CFAP58: variants seen among roughly 807,000 people sequenced by gnomAD.
The protein encoded by CFAP58 is cilia and flagella associated protein 58.
A neutral mutation model predicts 119.5 loss-of-function variants in CFAP58; 88 were observed. The observed-to-expected ratio is 0.74, with a 90% CI of 0.62 to 0.88. CFAP58 has a LOEUF of 0.88. Ranked by LOEUF, CFAP58 falls within the 40% of genes least tolerant of loss-of-function variation. The pLI is 0.00. For synonymous variants in CFAP58, 365 were observed against 366.3 expected, an observed-to-expected ratio of 1.00 and a Z score of 0.04; for missense variants, 990 against 1,021.2, an observed-to-expected ratio of 0.97 and a Z score of 0.42.
At chr10:104,387,355 A>G (rs1242166727) in intron 9 of CFAP58, among the ~76,000 whole-genome samples, 1 of 152,090 alleles carries the variant, frequency 6.6e-6, no homozygotes, top group Non-Finnish European at 1.5e-5. Context: ...TGTTCTTCTC[A>G]TGGGGGAAGG....
chr10:104,361,797 T>A (rs1385633577), intron 2 of CFAP58, among the ~76,000 whole-genome samples: 5 of 152,232 alleles, frequency 3.3e-5, no homozygotes, highest in African/African-American at 1.2e-4. Flanking sequence ...GAGGTCTTCT[T>A]GCCTCGGCCT....
At chr10:104,360,463 G>C (rs954030360) in intron 2 of CFAP58, among the ~76,000 whole-genome samples, 1 of 151,674 alleles carries the variant, frequency 6.6e-6, no homozygotes, top group South Asian at 2.1e-4. Context: ...AGAGGGGCGG[G>C]GGGGAGGTGT....
chr10:104,454,713 T>C lies in CFAP58; in HGVS notation c.*183T>C. 1.7e-6 allele frequency: 1 copy of C among 574,498 alleles called. No homozygotes were observed. The highest frequency in any genetic ancestry group is 2.9e-5 in the East Asian group (1 of 34,764). The allele number at this position is 574,498 out of a possible 1,614,324, so 35.6% of individuals were successfully genotyped here. A position where few individuals can be genotyped will look rare whatever the true frequency, so the allele number is the denominator to read the frequency against. On this transcript the variant is annotated 3_prime_UTR_variant, in exon 18 of 18. Coordinates refer to ENST00000369704, the MANE Select transcript of CFAP58 (RefSeq NM_001008723.2). ...TGGTGTTTTGTCTGGTTCACGTTGA[T>C]ATTAACAGATCATAATTCTCTCTGT... is the stretch of plus-strand genomic sequence containing the variant.
chr10:104,403,314 G>A (rs192461261), intron 13 of CFAP58, among the ~76,000 whole-genome samples: 16 of 152,254 alleles, frequency 1.1e-4, no homozygotes, highest in Admixed American at 1.0e-3. Flanking sequence ...CTTCCTCCAT[G>A]ATTGTGAGGC....
At chr10:104,363,174 G>A (rs1478563314) in intron 3 of CFAP58, among the ~76,000 whole-genome samples, 1 of 152,114 alleles carries the variant, frequency 6.6e-6, no homozygotes, top group Non-Finnish European at 1.5e-5. Context: ...CTCCAGTATG[G>A]CACTGATCAG....
At chr10:104,339,801 G>A in the CFAP58 span, among the ~76,000 whole-genome samples, 4 of 152,172 alleles carry the variant, frequency 2.6e-5, no homozygotes, top group Non-Finnish European at 5.9e-5. Context: ...TGTGTTGGAG[G>A]TGGTGGGGGC....
At position 104,357,976 on chromosome 10, in the gene CFAP58, TAC is replaced by T. The variant is rs199694394; in HGVS notation, c.10-363_10-362del. On this transcript the variant is annotated intron_variant, in intron 1 of 17. Transcript: ENST00000369704. ...ATATACACATATATGTACACATATG[TAC>T]ATATGTACACATATATGTACACATA... 3.7e-5 allele frequency among the ~76,000 whole-genome samples: 5 copies of T among 135,346 alleles called. No homozygotes were observed. The East Asian group carries it at 6.1e-4, about 16-fold the overall frequency. 88.8% of individuals were successfully genotyped at this position (135,346 alleles called of 152,430 possible).
At chr10:104,346,973 C>T in the CFAP58 span, among the ~76,000 whole-genome samples, 1 of 151,982 alleles carries the variant, frequency 6.6e-6, no homozygotes, top group Non-Finnish European at 1.5e-5. Flanking sequence ...CACCGATTGA[C>T]TTGTGCACGT....
intron 15 of CFAP58, among the ~76,000 whole-genome samples, chr10:104,434,399 C>A (rs2012897449): frequency 6.6e-6 from 1 of 152,146 alleles, no homozygotes; most frequent in South Asian, 2.1e-4. Context: ...GACTCTTGAT[C>A]CCAGGCTTCA....
intron 1 of CFAP58, among the ~76,000 whole-genome samples, chr10:104,357,221 GA>G (rs2014554927): frequency 6.6e-6 from 1 of 152,156 alleles, no homozygotes; most frequent in South Asian, 2.1e-4. Flanking sequence ...AGACTTGCTT[GA>G]ATTATATCTA....
At chr10:104,351,070 C>A (rs1564872817), upstream of CFAP58, among the ~76,000 whole-genome samples, 3 of 152,140 alleles carry the variant, frequency 2.0e-5, no homozygotes, top group Non-Finnish European at 4.4e-5. Flanking sequence ...ACCGATGGTC[C>A]CAATGTGTAA....
chr10:104,368,621 G>A (rs1023183057), intron 6 of CFAP58, 61 bp downstream of exon 6: 13 of 1,581,470 alleles, frequency 8.2e-6, no homozygotes, highest in Admixed American at 5.2e-5. Flanking sequence ...GTTTGCCTTG[G>A]CAATTGGAGC....
At chr10:104,368,591 G>A in intron 6 of CFAP58, 31 bp downstream of exon 6, 1 of 1,611,652 alleles carries the variant, frequency 6.2e-7, no homozygotes, top group Non-Finnish European at 8.5e-7. Flanking sequence ...CTGTTCCCTA[G>A]CTCTTTCTTC....
chr10:104,379,950 A>G, intron 8 of CFAP58, 79 bp from the exon 9 acceptor site: 1 of 1,107,684 alleles, frequency 9.0e-7, no homozygotes, highest in Admixed American at 2.3e-5. Context: ...ATTATGTTAG[A>G]GATGAGGCAG....
intron 1 of CFAP58, among the ~76,000 whole-genome samples, chr10:104,356,618 T>A (rs1306848627): frequency 6.6e-6 from 1 of 152,210 alleles, no homozygotes; most frequent in Admixed American, 6.5e-5. Flanking sequence ...CTTCACTGTG[T>A]GTCCCTCACT....
At chr10:104,450,523 G>A (rs944029381) in intron 17 of CFAP58, among the ~76,000 whole-genome samples, 2 of 152,098 alleles carry the variant, frequency 1.3e-5, no homozygotes, top group African/African-American at 4.8e-5. Flanking sequence ...TCATAACTAT[G>A]TTTGCAAATG....
At chr10:104,403,608 C>A in intron 13 of CFAP58, 121 bp from the exon 14 acceptor site, 1 of 481,944 alleles carries the variant, frequency 2.1e-6, no homozygotes, top group Non-Finnish European at 3.7e-6. Flanking sequence ...CCTGTGTTCA[C>A]AATATTCTCC....
chr10:104,392,113 C>A, intron 9 of CFAP58, 120 bp from the exon 10 acceptor site: 1 of 815,558 alleles, frequency 1.2e-6, no homozygotes, highest in Non-Finnish European at 2.0e-6. Flanking sequence ...TAGCCACTGT[C>A]AGATTTTCTG....
chr10:104,415,310 G>C (rs1199558379), intron 15 of CFAP58, among the ~76,000 whole-genome samples: 1 of 152,056 alleles, frequency 6.6e-6, no homozygotes, highest in Non-Finnish European at 1.5e-5. Context: ...GGAGGGGGAG[G>C]GAGCGGGTCA....
Sources: allele counts gnomAD v4.1 joint callset (sites outside exome capture counted in the v4.1 genomes callset), GRCh38; gene constraint gnomAD v4.1.1; transcripts MANE v1.5; gene names NCBI Gene and HGNC (gene_info 2026-07-23, HGNC 2026-07-21).